RAMP1: variants seen among roughly 807,000 people sequenced by gnomAD.
RAMP1 encodes receptor activity-modifying protein 1.
Under a neutral mutation model 8.2 loss-of-function variants are expected in RAMP1, and 7 were observed. The ratio of observed to expected loss-of-function variants is 0.85; its 90% CI spans 0.49 to 1.60. The LOEUF (loss-of-function observed/expected upper bound fraction) is 1.60. Ranked by LOEUF, RAMP1 falls within the 40% of genes most tolerant of loss-of-function variation. The pLI is 0.00. For missense variants in RAMP1, 192 were observed against 202.4 expected (o/e 0.95, Z 0.31); for synonymous variants, 92 against 84.7 (o/e 1.09, Z -0.47).
chr2:237,908,748 T>G (rs2062678397), intron 2 of RAMP1, among the ~76,000 whole-genome samples: 1 of 152,152 alleles, frequency 6.6e-6, no homozygotes, highest in Non-Finnish European at 1.5e-5. Flanking sequence ...AGGCCTCTGT[T>G]TTCTATGGTG....
At chr2:237,901,165 C>A (rs1409220576) in intron 2 of RAMP1, among the ~76,000 whole-genome samples, 3 of 152,244 alleles carry the variant, frequency 2.0e-5, no homozygotes, top group Non-Finnish European at 4.4e-5. Context: ...GAAGCCCACA[C>A]CCCTGCTCAC....
At position 237,911,442 on chromosome 2, in the gene RAMP1, G is replaced by GGGCCACGGT; in HGVS notation, c.192-84_192-76dup. The GGGCCACGGT allele has an allele frequency of 3.9e-6, 6 of 1,535,784 alleles. No individual in the cohort carries two copies. The South Asian group carries it at 7.4e-5, about 19-fold the overall frequency. On this transcript the variant is annotated intron_variant, in intron 2 of 2. Coordinates refer to ENST00000254661, the MANE Select transcript of RAMP1 (RefSeq NM_005855.4). ...GAGCCAAGCTTCAGGGCTGCATGAGGGGCCACGGTGCAGCAGCCCGGGCTG... is the reference window on the plus strand; with the variant it reads ...GAGCCAAGCTTCAGGGCTGCATGAGGGGCCACGGTGGCCACGGTGCAGCAGCCCGGGCTG...
At chr2:237,899,318 G>A (rs1396283921) in intron 2 of RAMP1, among the ~76,000 whole-genome samples, 3 of 152,190 alleles carry the variant, frequency 2.0e-5, no homozygotes, top group South Asian at 2.1e-4. Context: ...TGACCCGCCC[G>A]CCTCGGCCTC....
Position 237,862,540 on chromosome 2 carries a change from T to C in RAMP1, c.52+2813T>C, listed in dbSNP as rs574103588. On this transcript the variant is annotated intron_variant, in intron 1 of 2. Transcript: ENST00000254661. The surrounding 1 kb of genome is among the most constrained non-coding windows in gnomAD (Gnocchi z 4.0). ...TTGGAAAAGTCTGTCCTGATTTTTT[T>C]CCCCAGAATGCGCCCATTTCATAGC... 2.0e-4 allele frequency among the ~76,000 whole-genome samples: 31 copies of C among 152,352 alleles called. No individual in the cohort carries two copies. The highest frequency in any genetic ancestry group is 7.5e-4 in the African/African-American group (31 of 41,580).
chr2:237,859,680 C>T lies in RAMP1; in HGVS notation c.5C>T (p.Ala2Val). Residue 2 changes from alanine to valine, a missense_variant, in exon 1 of 3, where the codon GCC becomes GTC. Coordinates refer to ENST00000254661, the MANE Select transcript of RAMP1 (RefSeq NM_005855.4). M[A>V]RALCRLPRRG... is the part of the protein sequence containing the mutation. ...GACTCGGCACCGCTGTGCACCATGG[C>T]CCGGGCCCTGTGCCGCCTCCCGCGG... is the stretch of plus-strand genomic sequence containing the variant. 2.0e-6 allele frequency: 3 copies of T among 1,509,104 alleles called. No individual in the cohort carries two copies. Among genetic ancestry groups the T allele is most frequent in the Non-Finnish European group, 2.7e-6 (3 of 1,129,850 alleles). The allele number at this position is 1,509,104 out of a possible 1,614,324, so 93.5% of individuals were successfully genotyped here. A position where few individuals can be genotyped will look rare whatever the true frequency, so the allele number is the denominator to read the frequency against.
chr2:237,876,454 G>C (rs1361294539), intron 1 of RAMP1, among the ~76,000 whole-genome samples: 1 of 152,176 alleles, frequency 6.6e-6, no homozygotes, highest in East Asian at 1.9e-4. Context: ...TCCCCCCTGG[G>C]CAGAGGATGT....
At position 237,877,973 on chromosome 2, in the gene RAMP1, C is replaced by T. The variant is rs2062326961; in HGVS notation, c.191+611C>T. The T allele has an allele frequency of 4.1e-6, 4 of 985,406 alleles. No homozygotes were observed. Among genetic ancestry groups the T allele is most frequent in the South Asian group, 4.7e-5 (1 of 21,288 alleles). 61.0% of individuals were successfully genotyped at this position (985,406 alleles called of 1,614,324 possible). A position where few individuals can be genotyped will look rare whatever the true frequency, so the allele number is the denominator to read the frequency against. ...GGGTGCTGGGCCCCCATCAGCAGGC[C>T]GGGGGGTTCTCCCCAGCAGGCCCAG... On this transcript the variant is annotated intron_variant, in intron 2 of 2. Coordinates refer to ENST00000254661, the MANE Select transcript of RAMP1 (RefSeq NM_005855.4). The surrounding 1 kb of genome is among the most constrained non-coding windows in gnomAD (Gnocchi z 4.4).
intron 2 of RAMP1, among the ~76,000 whole-genome samples, chr2:237,890,654 C>T (rs915836612): frequency 2.0e-5 from 3 of 152,204 alleles, no homozygotes; most frequent in Admixed American, 6.5e-5. Context: ...CTTGTTTTAA[C>T]GGTTATCTTC....
In RAMP1 at chr2:237,877,383, TG is replaced by T; in HGVS notation, c.191+24del. 7 of 1,604,184 alleles carry T rather than the reference TG, an allele frequency of 4.4e-6. No individual in the cohort carries two copies. The highest frequency in any genetic ancestry group is 6.0e-6 in the Non-Finnish European group (7 of 1,175,042). ...ATCAGGTGAGTCCCATGGCCCCTGG[TG>T]GGCAGGACACGGTTGGGGAGGGAGA... is the stretch of plus-strand genomic sequence containing the variant. On this transcript the variant is annotated intron_variant, in intron 2 of 2. Coordinates refer to ENST00000254661, the MANE Select transcript of RAMP1 (RefSeq NM_005855.4). The surrounding 1 kb of genome is among the most constrained non-coding windows in gnomAD (Gnocchi z 4.4).
rs1168505221 is a variant in RAMP1 at position 237,865,323 on chromosome 2, G to A, written c.52+5596G>A. Among the ~76,000 whole-genome samples, 1 of 119,094 alleles carries A rather than the reference G, an allele frequency of 8.4e-6. No individual in the cohort carries two copies. Among genetic ancestry groups the A allele is most frequent in the Non-Finnish European group, 1.8e-5 (1 of 56,234 alleles). The allele number at this position is 119,094 out of a possible 152,430, so 78.1% of individuals were successfully genotyped here. On this transcript the variant is annotated intron_variant, in intron 1 of 2. Coordinates refer to ENST00000254661, the MANE Select transcript of RAMP1 (RefSeq NM_005855.4). The surrounding 1 kb of genome is among the most constrained non-coding windows in gnomAD (Gnocchi z 4.2). ...GAGAGGAGGGGAGGGCAGGGGAGAAGAGAGGAGGGGAGGGGAGGGCAGGGG... is the reference window on the plus strand; with the variant it reads ...GAGAGGAGGGGAGGGCAGGGGAGAAAAGAGGAGGGGAGGGGAGGGCAGGGG...
intron 2 of RAMP1, among the ~76,000 whole-genome samples, chr2:237,890,482 A>G (rs757778168): frequency 2.0e-5 from 3 of 152,206 alleles, no homozygotes; most frequent in Non-Finnish European, 2.9e-5. Context: ...GATTACAGGC[A>G]TGAGCCACTG....
At chr2:237,884,517 T>G (rs2062407581) in intron 2 of RAMP1, among the ~76,000 whole-genome samples, 1 of 152,132 alleles carries the variant, frequency 6.6e-6, no homozygotes, top group African/African-American at 2.4e-5. Flanking sequence ...CACGTCAGAT[T>G]TCCTCACCTA....
At chr2:237,910,076 C>A (rs1231365441) in intron 2 of RAMP1, among the ~76,000 whole-genome samples, 1 of 152,168 alleles carries the variant, frequency 6.6e-6, no homozygotes, top group Non-Finnish European at 1.5e-5. Context: ...AAGGCACCTG[C>A]AGCCGTGGCA....
Position 237,912,006 on chromosome 2 carries a change from G to A in RAMP1, c.*223G>A, listed in dbSNP as rs575058623. ...GCCACCCTAGGAAGGGGGCAGGGACGTGACCTTGACTTACCTCTGGAAAGG... is the reference window on the plus strand; with the variant it reads ...GCCACCCTAGGAAGGGGGCAGGGACATGACCTTGACTTACCTCTGGAAAGG... On this transcript the variant is annotated 3_prime_UTR_variant, in exon 3 of 3. Coordinates refer to ENST00000254661, the MANE Select transcript of RAMP1 (RefSeq NM_005855.4). The A allele has an allele frequency of 2.9e-5, 21 of 712,018 alleles. No individual in the cohort carries two copies. The highest frequency in any genetic ancestry group is 4.1e-4 in the Middle Eastern group (1 of 2,462). The allele number at this position is 712,018 out of a possible 1,614,324, so 44.1% of individuals were successfully genotyped here. A position where few individuals can be genotyped will look rare whatever the true frequency, so the allele number is the denominator to read the frequency against.
At chr2:237,859,562 C>T, upstream of RAMP1, 1 of 716,968 alleles carries the variant, frequency 1.4e-6, no homozygotes, top group South Asian at 6.2e-5. Flanking sequence ...CGCCTCCCAC[C>T]GCTCCCGCGC....
At chr2:237,864,206 C>T (rs1268361735) in intron 1 of RAMP1, among the ~76,000 whole-genome samples, 1 of 152,188 alleles carries the variant, frequency 6.6e-6, no homozygotes, top group African/African-American at 2.4e-5. Context: ...CCCAGGAAGC[C>T]CTGCCCCCTG....
intron 1 of RAMP1, among the ~76,000 whole-genome samples, chr2:237,864,755 G>A (rs576079884): frequency 3.1e-4 from 47 of 152,362 alleles, no homozygotes; most frequent in Admixed American, 7.8e-4. Flanking sequence ...CCTGCTGCAT[G>A]TCAACCATGT....
intron 2 of RAMP1, among the ~76,000 whole-genome samples, chr2:237,883,207 G>A (rs1156485069): frequency 6.6e-6 from 1 of 152,190 alleles, no homozygotes; most frequent in African/African-American, 2.4e-5. Context: ...GCTGTCCCAG[G>A]GCCCTGGGCT....
intron 2 of RAMP1, among the ~76,000 whole-genome samples, chr2:237,894,717 G>C (rs1033073570): frequency 1.3e-5 from 2 of 152,180 alleles, no homozygotes; most frequent in African/African-American, 4.8e-5. Context: ...CAGTTCCAAG[G>C]CCCAGGCTGT....
Sources: gnomAD v4.1 joint callset for allele counts (sites outside exome capture counted in the v4.1 genomes callset) on GRCh38, gnomAD v4.1.1 for gene constraint, Gnocchi (gnomAD v3.1) non-coding constraint, MANE v1.5 for transcripts, NCBI Gene and HGNC (gene_info 2026-07-23, HGNC 2026-07-21) for gene names.